GTF3C6: variants seen among roughly 807,000 people sequenced by gnomAD.
GTF3C6 encodes the protein general transcription factor IIIC subunit 6.
GTF3C6 carries 11 observed loss-of-function variants against 19.2 expected under a neutral mutation model. The observed-to-expected ratio is 0.57, with a 90% CI of 0.36 to 0.95. GTF3C6 has a LOEUF of 0.95. Among genes scored for constraint, GTF3C6 ranks in the 40% least tolerant of loss-of-function variants. The pLI is 0.01. For synonymous variants in GTF3C6, 87 were observed against 84.2 expected (o/e 1.03, Z -0.18); for missense variants, 222 against 254.7 (o/e 0.87, Z 0.87).
rs768158514 is a variant in GTF3C6 at position 110,967,777 on chromosome 6, A to G, written c.629A>G (p.Gln210Arg). ...GAAGGTTCTGTTTTTATGGAAACTC[A>G]AATGCTGCCTTAGAAATCACTCCTA... ...ETEGSVFMET[Q>R]MLP Residue 210 changes from glutamine to arginine, a missense_variant, in exon 6 of 6, where the codon CAA becomes CGA. Gln to Arg is a conservative substitution (Grantham distance 43, BLOSUM62 1). Coordinates refer to ENST00000329970, the MANE Select transcript of GTF3C6 (RefSeq NM_138408.4). The G allele has an allele frequency of 1.9e-6, 3 of 1,602,182 alleles. No individual in the cohort carries two copies. In the African/African-American group the frequency reaches 4.0e-5, roughly 22 times the overall value.
intron 5 of GTF3C6, among the ~76,000 whole-genome samples, chr6:110,964,183 C>T (rs1009739168): frequency 3.3e-5 from 5 of 152,056 alleles, no homozygotes; most frequent in African/African-American, 1.2e-4. Flanking sequence ...CCTACCTCAG[C>T]CTCCCCAGTA....
intron 1 of GTF3C6, 120 bp downstream of exon 1, chr6:110,958,946 C>G: frequency 8.4e-7 from 1 of 1,185,208 alleles, no homozygotes; most frequent in Non-Finnish European, 1.2e-6. Flanking sequence ...TCCTCACCGG[C>G]TTCTTGCTCC....
intron 2 of GTF3C6, 45 bp downstream of exon 2, chr6:110,959,297 T>C (rs1286735711): frequency 1.7e-6 from 2 of 1,171,314 alleles, no homozygotes; most frequent in East Asian, 4.7e-5. Context: ...GTGTCTTAAA[T>C]GTAAAACAAG....
rs146384285 is a variant in GTF3C6 at position 110,963,259 on chromosome 6, A to G, written c.361+754A>G. Among the ~76,000 whole-genome samples, 15 of 152,268 alleles carry G rather than the reference A, an allele frequency of 9.9e-5. No homozygotes were observed. The East Asian group carries it at 2.3e-3, about 23-fold the overall frequency. On this transcript the variant is annotated intron_variant, in intron 5 of 5. Coordinates refer to ENST00000329970, the MANE Select transcript of GTF3C6 (RefSeq NM_138408.4). ...TATTAAAATTGAGGGTACTCCATCT[A>G]AAGTACCAAGCAGAGTTAAAATTCA...
intron 4 of GTF3C6, among the ~76,000 whole-genome samples, chr6:110,961,512 A>G (rs139272962): frequency 0.012 from 1,795 of 152,232 alleles, 14 homozygotes; most frequent in Non-Finnish European, 0.02. Context: ...TATGGTATCA[A>G]TTTATACTCA....
intron 5 of GTF3C6, among the ~76,000 whole-genome samples, chr6:110,965,202 C>T (rs1771216018): frequency 6.7e-6 from 1 of 148,592 alleles, no homozygotes; most frequent in African/African-American, 2.5e-5. Flanking sequence ...TCTCAAACTC[C>T]TGGGCTCAAG....
At chr6:110,963,616 A>G (rs1254027057) in intron 5 of GTF3C6, among the ~76,000 whole-genome samples, 1 of 152,032 alleles carries the variant, frequency 6.6e-6, no homozygotes, top group Non-Finnish European at 1.5e-5. Context: ...TATGATCACA[A>G]TAGTTCTGAA....
chr6:110,962,063 C>T (rs1442089999), intron 4 of GTF3C6, among the ~76,000 whole-genome samples: 1 of 152,052 alleles, frequency 6.6e-6, no homozygotes, highest in Non-Finnish European at 1.5e-5. Flanking sequence ...CCACCATGCC[C>T]AGCGAATTTT....
chr6:110,964,105 C>T (rs1475934016), intron 5 of GTF3C6, among the ~76,000 whole-genome samples: 1 of 152,058 alleles, frequency 6.6e-6, no homozygotes, highest in East Asian at 1.9e-4. Context: ...GACAGGGTCT[C>T]ACCCTGTCAC....
intron 4 of GTF3C6, among the ~76,000 whole-genome samples, chr6:110,960,830 T>C (rs879814928): frequency 3.0e-4 from 45 of 151,838 alleles, no homozygotes; most frequent in Admixed American, 7.2e-4. Flanking sequence ...GCAGGCAGGT[T>C]ACTTGAGGCC....
intron 5 of GTF3C6, among the ~76,000 whole-genome samples, chr6:110,962,801 C>T (rs569166366): frequency 8.5e-4 from 129 of 151,672 alleles, no homozygotes; most frequent in Non-Finnish European, 1.1e-3. Flanking sequence ...CTTATCCAGA[C>T]GAAGTCTCGC....
chr6:110,958,741 G>C lies in GTF3C6; in HGVS notation c.-29G>C. The stretch of plus-strand genomic sequence containing the variant: ...TGGCGGCTCCGGGCGGGCGTGGCCA[G>C]TGACTAGAAGGCGAGGCGCCGCGGG... On this transcript the variant is annotated 5_prime_UTR_variant, in exon 1 of 6. Coordinates refer to ENST00000329970, the MANE Select transcript of GTF3C6 (RefSeq NM_138408.4). The C allele has an allele frequency of 3.2e-6, 5 of 1,550,272 alleles. No homozygotes were observed. The highest frequency in any genetic ancestry group is 3.5e-6 in the Non-Finnish European group (4 of 1,146,804).
At chr6:110,960,651 A>G (rs1277324701) in intron 4 of GTF3C6, 35 bp downstream of exon 4, 5 of 1,490,806 alleles carry the variant, frequency 3.4e-6, no homozygotes, top group African/African-American at 2.8e-5. Flanking sequence ...TTTTAATACG[A>G]ACTATTTCAA....
At chr6:110,959,011 T>G in intron 1 of GTF3C6, 161 bp from the exon 2 acceptor site, 1 of 831,500 alleles carries the variant, frequency 1.2e-6, no homozygotes, top group Non-Finnish European at 2.0e-6. Context: ...CACCCCGTAC[T>G]TGGGATGGGA....
intron 1 of GTF3C6, 85 bp downstream of exon 1, chr6:110,958,911 G>C (rs1771121255): frequency 2.1e-6 from 3 of 1,432,190 alleles, no homozygotes; most frequent in Non-Finnish European, 2.8e-6. Context: ...TTGGGGAGCT[G>C]CGGGCCGGAG....
chr6:110,960,954 G>A (rs769292762), intron 4 of GTF3C6, among the ~76,000 whole-genome samples: 1 of 151,800 alleles, frequency 6.6e-6, no homozygotes, highest in South Asian at 2.1e-4. Flanking sequence ...ACTGAGGCAC[G>A]AGAATTGCTT....
At chr6:110,959,914 G>C (rs559642951) in intron 2 of GTF3C6, among the ~76,000 whole-genome samples, 1 of 151,924 alleles carries the variant, frequency 6.6e-6, no homozygotes, top group African/African-American at 2.4e-5. Flanking sequence ...CCGAGATCGC[G>C]CCACTGTACT....
chr6:110,967,067 C>G (rs879622766), intron 5 of GTF3C6, among the ~76,000 whole-genome samples: 1 of 151,876 alleles, frequency 6.6e-6, no homozygotes, highest in Admixed American at 6.6e-5. Flanking sequence ...GCACAAGAAT[C>G]GCTTGAACCA....
chr6:110,967,585 A>G lies in GTF3C6; in HGVS notation c.437A>G (p.Glu146Gly), dbSNP rs1200128810. 1 of 1,613,862 alleles carries G rather than the reference A, an allele frequency of 6.2e-7. No homozygotes were observed. Among genetic ancestry groups the G allele is most frequent in the African/African-American group, 1.3e-5 (1 of 74,948 alleles). Residue 146 changes from glutamate to glycine, a missense_variant, in exon 6 of 6, where the codon GAA becomes GGA. Glu to Gly is a moderately conservative substitution (Grantham distance 98). Coordinates refer to ENST00000329970, the MANE Select transcript of GTF3C6 (RefSeq NM_138408.4). ...RPNMICNFLH[E>G]NEDEEVVASA... The stretch of plus-strand genomic sequence containing the variant: ...AACATGATTTGTAACTTTCTACATG[A>G]AAATGAAGACGAAGAAGTGGTAGCT...
Sources: allele counts gnomAD v4.1 joint callset (sites outside exome capture counted in the v4.1 genomes callset), GRCh38; gene constraint gnomAD v4.1.1; transcripts MANE v1.5; gene names NCBI Gene and HGNC (gene_info 2026-07-23, HGNC 2026-07-21).